The following F8 variants were observed in gnomAD, a reference collection of about 807,000 sequenced individuals.
F8 encodes the protein antihemophilic factor.
F8 carries 12 observed loss-of-function variants against 140.6 expected under a neutral mutation model. The observed-to-expected ratio is 0.09, with a 90% CI of 0.05 to 0.14. The LOEUF (loss-of-function observed/expected upper bound fraction) is 0.14, where lower values mean the gene tolerates loss of function less well. Among genes scored for constraint, F8 ranks in the 10% least tolerant of loss-of-function variants. F8 has a pLI of 1.00. For synonymous variants in F8, 585 were observed against 614.6 expected, an observed-to-expected ratio of 0.95 and a Z score of 0.71; for missense variants, 1,354 against 1,720.7, an observed-to-expected ratio of 0.79 and a Z score of 3.77.
chrX:154,847,490 T>A (rs1439943558), intron 25 of F8, among the ~76,000 whole-genome samples: 104 of 109,277 alleles, frequency 9.5e-4, no homozygotes, highest in African/African-American at 3.4e-3. Context: ...TTTCTTTTTA[T>A]TCTTTTTTCT....
In F8 at chrX:154,929,964, A is replaced by T; in HGVS notation, c.3826T>A (p.Ser1276Thr). ...VLQDFRSLND[S>T]TNRTKKHTAH... is the part of the protein sequence containing the mutation. Reference sequence around the variant, plus strand: ...GTGTGTTTCTTTGTTCTATTTGTTGAATCATTTAATGACCTAAAATCTTGA... The same window carrying T: ...GTGTGTTTCTTTGTTCTATTTGTTGTATCATTTAATGACCTAAAATCTTGA... The change falls in exon 14 of 26, where the codon TCA becomes ACA. Residue 1276 changes from serine to threonine, a missense_variant. This residue lies in a region of F8 where 658 missense variants were observed against 666.5 expected (regional missense o/e 0.99). Transcript: ENST00000360256. The T allele has an allele frequency of 8.3e-7, 1 of 1,210,839 alleles. No homozygotes were observed. Among genetic ancestry groups the T allele is most frequent in the African/African-American group, 1.7e-5 (1 of 57,623 alleles).
In F8 at chrX:154,917,722, C is replaced by A. The variant is rs782173092; in HGVS notation, c.5219+10849G>T. 1.7e-4 allele frequency among the ~76,000 whole-genome samples: 19 copies of A among 111,589 alleles called. No homozygotes were observed. The South Asian group carries it at 7.0e-3, about 41-fold the overall frequency. ...TGATCAGTTCCGCTGTTTAGACTTTCCAGTGCATTTTTTTTTTCCGTTCAG... is the reference window on the plus strand; with the variant it reads ...TGATCAGTTCCGCTGTTTAGACTTTACAGTGCATTTTTTTTTTCCGTTCAG... On this transcript the variant is annotated intron_variant, in intron 14 of 25. Transcript: ENST00000360256.
At chrX:155,017,356 G>A in intron 1 of F8, among the ~76,000 whole-genome samples, 1 of 112,402 alleles carries the variant, frequency 8.9e-6, no homozygotes, top group Non-Finnish European at 1.9e-5. Flanking sequence ...CACAGAAACT[G>A]TGAGACAGTA....
At chrX:154,903,096 TA>T (rs1557276066) in intron 18 of F8, among the ~76,000 whole-genome samples, 4 of 112,189 alleles carry the variant, frequency 3.6e-5, no homozygotes, top group African/African-American at 1.3e-4. Flanking sequence ...GTTTATTACT[TA>T]AGGGTGAGCA....
intron 6 of F8, among the ~76,000 whole-genome samples, chrX:154,969,907 T>G (rs1169010757): frequency 7.1e-5 from 8 of 111,991 alleles, no homozygotes; most frequent in African/African-American, 2.6e-4. Flanking sequence ...TGACCTCTTC[T>G]GGAACTCCAG....
rs200297963 is a variant in F8, at chrX:154,896,168, G to T, written c.6338C>A (p.Ser2113Tyr). 3.3e-6 allele frequency: 4 copies of T among 1,210,258 alleles called. No homozygotes were observed. Among genetic ancestry groups the T allele is most frequent in the Non-Finnish European group, 4.5e-6 (4 of 894,238 alleles). ...IKTQGARQKFSSLYISQFIIM... is the reference protein window; with the variant it reads ...IKTQGARQKFYSLYISQFIIM... ...GATAAACTGAGAGATGTAGAGGCTG[G>T]AGAACTTCTGACGGGCACCCTGGGT... Residue 2113 changes from serine to tyrosine, a missense_variant, in exon 22 of 26, where the codon TCC (serine) becomes TAC (tyrosine). Physicochemically the swap from Ser to Tyr is moderately radical, Grantham distance 144. Coordinates refer to ENST00000360256, the MANE Select transcript of F8 (RefSeq NM_000132.4).
At chrX:154,970,648 A>G (rs947159565) in intron 6 of F8, among the ~76,000 whole-genome samples, 3 of 111,425 alleles carry the variant, frequency 2.7e-5, no homozygotes, top group Non-Finnish European at 3.8e-5. Flanking sequence ...ACTCTCTACT[A>G]AGGACTAGAA....
At chrX:155,004,180 T>C (rs1262148815) in intron 1 of F8, among the ~76,000 whole-genome samples, 5 of 111,048 alleles carry the variant, frequency 4.5e-5, no homozygotes, top group African/African-American at 1.6e-4. Flanking sequence ...TGCACTGACA[T>C]ATTTAAAGTG....
rs1557275824 is a variant in F8 at position 154,899,937 on chromosome X, T to C, written c.6202A>G (p.Lys2068Glu). ...CCGGAATAATGAAGTCTGGCCAGCT[T>C]TGGGGCCCACTGTCCTTTGCCCAAG... is the stretch of plus-strand genomic sequence containing the variant. ...ASGQYGQWAP[K>E]LARLHYSGSI... is the part of the protein sequence containing the mutation. Residue 2068 changes from lysine to glutamate, a missense_variant, in exon 21 of 26, where the codon AAG becomes GAG. Physicochemically the swap from Lys to Glu is moderately conservative, Grantham distance 56. Transcript: ENST00000360256. 3 of 1,211,170 alleles carry C rather than the reference T, an allele frequency of 2.5e-6. No homozygotes were observed. The highest frequency in any genetic ancestry group is 1.1e-6 in the Non-Finnish European group (1 of 894,992).
At chrX:154,987,625 T>C (rs782333194) in intron 4 of F8, among the ~76,000 whole-genome samples, 7 of 113,114 alleles carry the variant, frequency 6.2e-5, no homozygotes, top group Non-Finnish European at 1.1e-4. Flanking sequence ...AGTGAAATTA[T>C]AGATAATTTC....
chrX:155,004,884 G>A (rs782509961), intron 1 of F8, among the ~76,000 whole-genome samples: 4 of 111,721 alleles, frequency 3.6e-5, no homozygotes, highest in African/African-American at 1.3e-4. Flanking sequence ...ACCTAAGGAC[G>A]AGGCACCATC....
intron 2 of F8, among the ~76,000 whole-genome samples, chrX:154,997,973 A>C (rs1425446054): frequency 1.8e-5 from 2 of 112,618 alleles, no homozygotes; most frequent in African/African-American, 6.5e-5. Context: ...TGTTTTATGA[A>C]TACACTAAGT....
chrX:154,929,970 T>G lies in F8; in HGVS notation c.3820A>C (p.Asn1274His), dbSNP rs1557278569. The change falls in exon 14 of 26, where the codon AAT (asparagine) becomes CAT (histidine). Residue 1274 changes from asparagine to histidine, a missense_variant. Transcript: ENST00000360256. ...APVLQDFRSL[N>H]DSTNRTKKHT... ...TTCTTTGTTCTATTTGTTGAATCAT[T>G]TAATGACCTAAAATCTTGAAGTACT... is the stretch of plus-strand genomic sequence containing the variant. 8.3e-7 allele frequency: 1 copy of G among 1,211,478 alleles called. No individual in the cohort carries two copies. The highest frequency in any genetic ancestry group is 1.8e-5 in the South Asian group (1 of 56,986).
intron 25 of F8, among the ~76,000 whole-genome samples, chrX:154,838,281 A>G (rs2072490945): frequency 8.9e-6 from 1 of 112,041 alleles, no homozygotes; most frequent in South Asian, 3.7e-4. Context: ...AAGTGGGAAG[A>G]GTCTAAGACT....
At chrX:154,864,517 A>G (rs1337826277) in intron 22 of F8, among the ~76,000 whole-genome samples, 2 of 112,771 alleles carry the variant, frequency 1.8e-5, no homozygotes, top group Non-Finnish European at 3.7e-5. Flanking sequence ...CAAAGAATTC[A>G]AAATAATCAT....
rs146135300 is a variant in F8 at position 154,897,298 on chromosome X, T to C, written c.6274-1066A>G. Among the ~76,000 whole-genome samples the C allele has an allele frequency of 5.7e-3, 644 of 112,624 alleles. 7 individuals are homozygous for C. The highest frequency in any genetic ancestry group is 0.02 in the African/African-American group (614 of 31,012). The stretch of plus-strand genomic sequence containing the variant: ...ACAATTGGACTGGTCATCACTCTTA[T>C]GCTTAATAACTGTCTCCTTCAGCTG... On this transcript the variant is annotated intron_variant, in intron 21 of 25. Coordinates refer to ENST00000360256, the MANE Select transcript of F8 (RefSeq NM_000132.4).
chrX:154,871,642 G>A (rs782440914), intron 22 of F8, among the ~76,000 whole-genome samples: 1 of 112,060 alleles, frequency 8.9e-6, no homozygotes, highest in East Asian at 2.8e-4. Flanking sequence ...CATGGGCAAA[G>A]ACTTCATGTC....
intron 21 of F8, 124 bp from the exon 22 acceptor site, chrX:154,896,356 T>C (rs1166136504): frequency 1.2e-5 from 9 of 720,112 alleles, no homozygotes; most frequent in Admixed American, 4.7e-5. Flanking sequence ...ACCTTAGGTG[T>C]GCAAGTGAAG....
chrX:154,927,271 G>T lies in F8; in HGVS notation c.5219+1300C>A, dbSNP rs1056457568. Among the ~76,000 whole-genome samples, 9 of 111,708 alleles carry T rather than the reference G, an allele frequency of 8.1e-5. No individual in the cohort carries two copies. The East Asian group carries it at 2.5e-3, about 31-fold the overall frequency. ...CAAGCAGGGACAATTATTTTAAGAC[G>T]GTTTCTGTAAAGATAGGGGAGGAAA... On this transcript the variant is annotated intron_variant, in intron 14 of 25. Coordinates refer to ENST00000360256, the MANE Select transcript of F8 (RefSeq NM_000132.4).
Sources: allele counts gnomAD v4.1 joint callset (sites outside exome capture counted in the v4.1 genomes callset), GRCh38; gene constraint gnomAD v4.1.1; regional missense constraint gnomAD v4.1.1; transcripts MANE v1.5; gene names NCBI Gene and HGNC (gene_info 2026-07-23, HGNC 2026-07-21).